CDKL1: variants seen among roughly 807,000 people sequenced by gnomAD.
CDKL1 encodes cyclin-dependent kinase-like 1.
A neutral mutation model predicts 42.0 loss-of-function variants in CDKL1; 41 were observed. The ratio of observed to expected loss-of-function variants is 0.98; its 90% CI spans 0.76 to 1.27. The LOEUF is 1.27. Among genes scored for constraint, CDKL1 ranks in the 50% most tolerant of loss-of-function variants. The probability of loss-of-function intolerance (pLI) is 0.00; values close to 1 mark genes in which losing one functional copy is unlikely to be tolerated. For missense variants in CDKL1, 394 were observed against 428.4 expected (o/e 0.92, Z 0.71); for synonymous variants, 153 against 158.6 (o/e 0.96, Z 0.26).
At chr14:50,333,300 A>C (rs1247846438) in intron 8 of CDKL1, 1 of 152,206 alleles carries the variant, frequency 6.6e-6, no homozygotes, top group Non-Finnish European at 1.5e-5. Context: ...AACAGGATGC[A>C]GTAAAGAAGC....
intron 2 of CDKL1, among the ~76,000 whole-genome samples, chr14:50,391,611 G>A (rs372400228): frequency 6.6e-6 from 1 of 152,018 alleles, no homozygotes; most frequent in Non-Finnish European, 1.5e-5. Flanking sequence ...TCAAGCTCCC[G>A]ACCTCAAGTG....
At chr14:50,347,155 C>G (rs2033754141) in intron 3 of CDKL1, among the ~76,000 whole-genome samples, 1 of 152,244 alleles carries the variant, frequency 6.6e-6, no homozygotes, top group Non-Finnish European at 1.5e-5. Flanking sequence ...TTAGTGCCAT[C>G]TTGAACTGGC....
At chr14:50,384,532 T>C (rs2035013961) in intron 2 of CDKL1, among the ~76,000 whole-genome samples, 2 of 151,406 alleles carry the variant, frequency 1.3e-5, no homozygotes, top group South Asian at 4.2e-4. Context: ...AGGAGTTAGA[T>C]GGAAGGAGCC....
At chr14:50,335,472 C>CA in intron 7 of CDKL1, 1 of 1,536,070 alleles carries the variant, frequency 6.5e-7, no homozygotes, top group African/African-American at 1.4e-5. Context: ...GCTGTTTAAA[C>CA]AGTCTCCTGT....
intron 4 of CDKL1, among the ~76,000 whole-genome samples, chr14:50,344,489 A>G (rs1449558523): frequency 0.011 from 842 of 78,864 alleles, 3 homozygotes; most frequent in Non-Finnish European, 0.014. Flanking sequence ...TTTTTTTTTG[A>G]GACAGGGTCT....
chr14:50,346,652 G>GTTTTTT lies in CDKL1; in HGVS notation c.291-1600_291-1595dup, dbSNP rs796264788. Among the ~76,000 whole-genome samples the GTTTTTT allele has an allele frequency of 6.3e-5, 9 of 142,094 alleles. 1 individual carries two copies. Among genetic ancestry groups the GTTTTTT allele is most frequent in the Non-Finnish European group, 1.1e-4 (7 of 65,842 alleles). 93.2% of individuals were successfully genotyped at this position (142,094 alleles called of 152,430 possible). On this transcript the variant is annotated intron_variant, in intron 3 of 9. Coordinates refer to ENST00000395834, the MANE Select transcript of CDKL1 (RefSeq NM_004196.7). ...GATTATTCAATAAATTAAATTTTTG[G>GTTTTTT]TTTTTTTTTTTTTTTTGAGATGGAG... is the stretch of plus-strand genomic sequence containing the variant.
intron 2 of CDKL1, among the ~76,000 whole-genome samples, chr14:50,391,906 A>AT (rs1260360929): frequency 2.0e-5 from 3 of 152,132 alleles, no homozygotes; most frequent in Non-Finnish European, 4.4e-5. Flanking sequence ...CCTCTGCCCC[A>AT]TTTTTGTCTT....
chr14:50,385,689 A>T (rs1040211831), intron 2 of CDKL1, among the ~76,000 whole-genome samples: 3 of 151,866 alleles, frequency 2.0e-5, no homozygotes, highest in Non-Finnish European at 4.4e-5. Context: ...CTGTAATCCC[A>T]GCTACTCGGG....
chr14:50,369,614 A>G (rs958558903), intron 2 of CDKL1, among the ~76,000 whole-genome samples: 187 of 149,220 alleles, frequency 1.3e-3, no homozygotes, highest in African/African-American at 4.5e-3. Flanking sequence ...ACATGCACAC[A>G]CACACACACA....
At chr14:50,357,616 T>C (rs769971474) in intron 3 of CDKL1, among the ~76,000 whole-genome samples, 1 of 152,218 alleles carries the variant, frequency 6.6e-6, no homozygotes, top group Non-Finnish European at 1.5e-5. Context: ...TGAAGCTCTC[T>C]TTGAATAATA....
rs193193846 is a variant in CDKL1, at chr14:50,338,977, A to G, written c.708T>C (p.Ser236=). The G allele has an allele frequency of 5.0e-6, 8 of 1,612,516 alleles. No individual in the cohort carries two copies. In the East Asian group the frequency reaches 1.8e-4, roughly 36 times the overall value. ...CTTCAGGGTCTGGAATTTTCACTCC[A>G]CTGAAGTACTGATTCGTGCTAAACA... ...QQVFSTNQYF[S]GVKIPDPEDM... is the part of the protein sequence containing the mutation. The change falls in exon 7 of 10, where the codon AGT becomes AGC. Residue 236 remains serine (S), a synonymous_variant. Coordinates refer to ENST00000395834, the MANE Select transcript of CDKL1 (RefSeq NM_004196.7).
intron 3 of CDKL1, among the ~76,000 whole-genome samples, chr14:50,349,312 G>C (rs769656027): frequency 6.6e-6 from 1 of 152,200 alleles, no homozygotes; most frequent in East Asian, 1.9e-4. Flanking sequence ...CCAGTGTGAG[G>C]ATAGAATAAA....
intron 2 of CDKL1, chr14:50,363,183 A>C: frequency 4.6e-6 from 1 of 215,598 alleles, no homozygotes; most frequent in Non-Finnish European, 1.0e-5. Flanking sequence ...GAAGGAACAA[A>C]CTCCGGACAC....
intron 3 of CDKL1, among the ~76,000 whole-genome samples, chr14:50,351,918 TG>T (rs1405524064): frequency 6.6e-6 from 1 of 152,210 alleles, no homozygotes; most frequent in East Asian, 1.9e-4. Flanking sequence ...TGAACATTAA[TG>T]TAACTATTTT....
At chr14:50,338,428 A>G (rs552664746) in intron 7 of CDKL1, among the ~76,000 whole-genome samples, 17 of 152,206 alleles carry the variant, frequency 1.1e-4, no homozygotes, top group Admixed American at 3.9e-4. Flanking sequence ...GTGTTTCATC[A>G]TGTTGGCCAG....
chr14:50,344,466 T>TA (rs1555339908), intron 4 of CDKL1, among the ~76,000 whole-genome samples: 6 of 52,526 alleles, frequency 1.1e-4, no homozygotes, highest in African/African-American at 5.0e-4. Flanking sequence ...TTGTTCTTTG[T>TA]GGTTTTTTTT....
intron 7 of CDKL1, among the ~76,000 whole-genome samples, chr14:50,336,781 G>A (rs967416885): frequency 2.6e-5 from 4 of 151,416 alleles, no homozygotes; most frequent in African/African-American, 7.3e-5. Context: ...AAATCATAAA[G>A]TTACCCCAAA....
rs959780789 is a variant in CDKL1 at position 50,327,764 on chromosome 14, A to G, written c.*2310T>C. The stretch of plus-strand genomic sequence containing the variant: ...CCGCGCCCAGCCTGGTTTGAACATT[A>G]TTAAGCTGTTGAATATAAACTTGAA... On this transcript the variant is annotated 3_prime_UTR_variant, in exon 10 of 10. Coordinates refer to ENST00000395834, the MANE Select transcript of CDKL1 (RefSeq NM_004196.7). 1.3e-5 allele frequency: 2 copies of G among 152,142 alleles called. No individual in the cohort carries two copies. Among genetic ancestry groups the G allele is most frequent in the African/African-American group, 4.8e-5 (2 of 41,428 alleles). The allele number at this position is 152,142 out of a possible 1,614,324, so 9.4% of individuals were successfully genotyped here.
chr14:50,395,688 G>A lies in CDKL1; in HGVS notation c.168+13C>T, dbSNP rs761162443. 18 of 1,571,804 alleles carry A rather than the reference G, an allele frequency of 1.1e-5. No individual in the cohort carries two copies. The East Asian group carries it at 1.6e-4, about 14-fold the overall frequency. The stretch of plus-strand genomic sequence containing the variant: ...TCTCGAAAAAGAAAAAAAAGGAAAA[G>A]TGAATCAATTACCTTGAGCATTCGG... On this transcript the variant is annotated intron_variant, in intron 2 of 9. Transcript: ENST00000395834.
Sources: gnomAD v4.1 joint callset for allele counts (sites outside exome capture counted in the v4.1 genomes callset) on GRCh38, gnomAD v4.1.1 for gene constraint, MANE v1.5 for transcripts, NCBI Gene and HGNC (gene_info 2026-07-23, HGNC 2026-07-21) for gene names.